MAN1A2: variants seen among roughly 807,000 people sequenced by gnomAD.
The protein encoded by MAN1A2 is mannosyl-oligosaccharide 1,2-alpha-mannosidase IB.
MAN1A2 carries 26 observed loss-of-function variants against 75.7 expected under a neutral mutation model. The ratio of observed to expected loss-of-function variants is 0.34; its 90% CI spans 0.25 to 0.48. The LOEUF is 0.48. MAN1A2 is among the 20% of genes least tolerant of loss of function. The pLI is 0.99. For missense variants in MAN1A2, 562 were observed against 775.5 expected (o/e 0.72, Z 3.27); for synonymous variants, 247 against 264.6 (o/e 0.93, Z 0.65).
At chr1:117,471,437 A>G (rs1650148751) in intron 8 of MAN1A2, among the ~76,000 whole-genome samples, 3 of 151,964 alleles carry the variant, frequency 2.0e-5, no homozygotes, top group Admixed American at 6.6e-5. Flanking sequence ...GAAATAAATC[A>G]TATGAATCAT....
chr1:117,422,577 C>CTT (rs752384891), intron 5 of MAN1A2, among the ~76,000 whole-genome samples: 45 of 152,042 alleles, frequency 3.0e-4, no homozygotes, highest in Non-Finnish European at 5.2e-4. Flanking sequence ...GTTGTGAGTA[C>CTT]TTTGTATTGT....
At chr1:117,434,999 T>C (rs1289295097) in intron 5 of MAN1A2, among the ~76,000 whole-genome samples, 1 of 151,916 alleles carries the variant, frequency 6.6e-6, no homozygotes, top group Non-Finnish European at 1.5e-5. Context: ...TGGTGCTAGA[T>C]TGATGGTACG....
chr1:117,403,132 A>G (rs919749867), intron 2 of MAN1A2, among the ~76,000 whole-genome samples: 3 of 152,208 alleles, frequency 2.0e-5, no homozygotes, highest in African/African-American at 4.8e-5. Context: ...GCCTGTGAAG[A>G]AAAATATTTT....
intron 9 of MAN1A2, among the ~76,000 whole-genome samples, chr1:117,496,517 A>G (rs189609223): frequency 6.6e-6 from 1 of 152,078 alleles, no homozygotes. Flanking sequence ...GTAGAAGGTA[A>G]TCTTTAGGCC....
At chr1:117,417,557 A>ATATATATATATATATGTG (rs1214425551) in intron 4 of MAN1A2, among the ~76,000 whole-genome samples, 2 of 140,734 alleles carry the variant, frequency 1.4e-5, no homozygotes, top group African/African-American at 5.3e-5. Flanking sequence ...ATATATATAT[A>ATATATATATATATATGTG]TGTGATATAT....
chr1:117,470,896 T>A (rs1382471073), intron 8 of MAN1A2, among the ~76,000 whole-genome samples: 1 of 152,032 alleles, frequency 6.6e-6, no homozygotes, highest in African/African-American at 2.4e-5. Context: ...GTAATGATAA[T>A]GTCTGTGACA....
At chr1:117,383,768 G>T (rs898615612) in intron 1 of MAN1A2, among the ~76,000 whole-genome samples, 2 of 150,346 alleles carry the variant, frequency 1.3e-5, no homozygotes, top group Non-Finnish European at 3.0e-5. Context: ...TTTTTTAAGC[G>T]TTGGGGGTCT....
chr1:117,469,338 A>G (rs1352421497), intron 8 of MAN1A2, among the ~76,000 whole-genome samples: 4 of 152,182 alleles, frequency 2.6e-5, no homozygotes, highest in East Asian at 1.9e-4. Context: ...AAATTTGAGA[A>G]CCAAAACTGT....
chr1:117,467,732 G>C (rs1650024534), intron 8 of MAN1A2, among the ~76,000 whole-genome samples: 2 of 152,042 alleles, frequency 1.3e-5, no homozygotes, highest in South Asian at 4.1e-4. Flanking sequence ...TGTCTACTTA[G>C]TAATTTGGAT....
chr1:117,375,611 T>C (rs977473933), intron 1 of MAN1A2, among the ~76,000 whole-genome samples: 1 of 152,204 alleles, frequency 6.6e-6, no homozygotes, highest in Non-Finnish European at 1.5e-5. Context: ...CAGCAAGTGT[T>C]TTGAGTGTTT....
intron 5 of MAN1A2, among the ~76,000 whole-genome samples, chr1:117,429,981 G>GT (rs1557946805): frequency 6.0e-5 from 4 of 66,848 alleles, no homozygotes; most frequent in East Asian, 4.4e-4. Context: ...CCGGGCGGAG[G>GT]GCTGACCCCC....
At chr1:117,384,824 G>A (rs1424439725) in intron 1 of MAN1A2, among the ~76,000 whole-genome samples, 1 of 152,124 alleles carries the variant, frequency 6.6e-6, no homozygotes, top group Non-Finnish European at 1.5e-5. Flanking sequence ...AGGTTATGAA[G>A]ATACCATCCT....
chr1:117,424,101 C>T (rs72691710), intron 5 of MAN1A2, among the ~76,000 whole-genome samples: 11,616 of 152,136 alleles, frequency 0.076, 495 homozygotes, highest in Middle Eastern at 0.15. Flanking sequence ...ATAGATTCTT[C>T]AGGATTTACC....
intron 1 of MAN1A2, among the ~76,000 whole-genome samples, chr1:117,377,241 TATTA>T (rs1050869245): frequency 1.3e-5 from 2 of 152,234 alleles, no homozygotes; most frequent in African/African-American, 4.8e-5. Flanking sequence ...GATTATTTTC[TATTA>T]ATTTGTGTTG....
chr1:117,407,740 C>T (rs1453481272), intron 3 of MAN1A2, among the ~76,000 whole-genome samples: 2 of 152,080 alleles, frequency 1.3e-5, no homozygotes, highest in African/African-American at 4.8e-5. Context: ...TGAATGAATT[C>T]CTGGTGTATA....
intron 5 of MAN1A2, among the ~76,000 whole-genome samples, chr1:117,427,143 T>C (rs1328285590): frequency 1.4e-5 from 2 of 147,112 alleles, no homozygotes; most frequent in Non-Finnish European, 3.0e-5. Context: ...ATGAAAAAAA[T>C]AGGGAAAATG....
chr1:117,465,999 C>CT (rs1391534665), intron 7 of MAN1A2, among the ~76,000 whole-genome samples: 1 of 152,032 alleles, frequency 6.6e-6, no homozygotes, highest in Non-Finnish European at 1.5e-5. Flanking sequence ...TATGTGTTGA[C>CT]TGTGTCTAGA....
rs138278260 is a variant in MAN1A2, at chr1:117,432,760, T to A, written c.856-9471T>A. 1.3e-3 allele frequency among the ~76,000 whole-genome samples: 205 copies of A among 152,036 alleles called. 1 individual carries two copies. Among genetic ancestry groups the A allele is most frequent in the East Asian group, 7.7e-3 (40 of 5,174 alleles). On this transcript the variant is annotated intron_variant, in intron 5 of 12. Coordinates refer to ENST00000356554, the MANE Select transcript of MAN1A2 (RefSeq NM_006699.5). Reference sequence around the variant, plus strand: ...TTCAGAGGCCAGCATAGCACTAACATCATAGCCTGAAAGGCAATATAGCAA... The same window carrying A: ...TTCAGAGGCCAGCATAGCACTAACAACATAGCCTGAAAGGCAATATAGCAA...
chr1:117,478,964 A>G (rs978200754), intron 8 of MAN1A2, among the ~76,000 whole-genome samples: 1 of 151,106 alleles, frequency 6.6e-6, no homozygotes, highest in East Asian at 2.0e-4. Flanking sequence ...CATGTGCAGG[A>G]TGTGCTTGTT....
Sources: gnomAD v4.1 joint callset for allele counts (sites outside exome capture counted in the v4.1 genomes callset) on GRCh38, gnomAD v4.1.1 for gene constraint, MANE v1.5 for transcripts, NCBI Gene and HGNC (gene_info 2026-07-23, HGNC 2026-07-21) for gene names.